USP9X: variants seen among roughly 807,000 people sequenced by gnomAD.
The protein encoded by USP9X is ubiquitin carboxyl-terminal hydrolase 9X.
Under a neutral mutation model 190.3 loss-of-function variants are expected in USP9X, and 7 were observed. The observed-to-expected ratio is 0.04, with a 90% confidence interval of 0.02 to 0.07. USP9X has a LOEUF of 0.07. USP9X is among the 10% of genes least tolerant of loss of function. The probability of loss-of-function intolerance (pLI) is 1.00; values close to 1 mark genes in which losing one functional copy is unlikely to be tolerated. For synonymous variants in USP9X, 645 were observed against 659.5 expected (o/e 0.98, Z 0.34); for missense variants, 1,010 against 1,916.9 (o/e 0.53, Z 8.83).
Position 41,123,550 on chromosome X carries a change from C to T in USP9X, c.-79C>T. The T allele has an allele frequency of 9.4e-6, 8 of 849,966 alleles. No individual in the cohort carries two copies. Among genetic ancestry groups the T allele is most frequent in the Non-Finnish European group, 1.4e-5 (8 of 581,563 alleles). The allele number at this position is 849,966 out of a possible 1,213,427, so 70.0% of individuals were successfully genotyped here. A position where few individuals can be genotyped will look rare whatever the true frequency, so the allele number is the denominator to read the frequency against. On this transcript the variant is annotated 5_prime_UTR_variant, in exon 2 of 45. Coordinates refer to ENST00000378308, the MANE Select transcript of USP9X (RefSeq NM_001039591.3). ...CTGACAAATGCTGGTACTTCATCTT[C>T]TATAAGTGGACTATAATTTCTTTTC...
chrX:41,140,696 A>G lies in USP9X; in HGVS notation c.695A>G (p.Asn232Ser), dbSNP rs201840070. 3.8e-5 allele frequency: 46 copies of G among 1,206,112 alleles called. No individual in the cohort carries two copies. In the African/African-American group the frequency reaches 7.0e-4, roughly 18 times the overall value. ...CTTCTCAACAAATTTGGCACTTTAA[A>G]TGGGTTCCAGATTTTGCATGATCGT... ...VDLLNKFGTLNGFQILHDRFI... is the reference protein window; with the variant it reads ...VDLLNKFGTLSGFQILHDRFI... Residue 232 changes from asparagine (N) to serine (S), a missense_variant, in exon 7 of 45, where the codon AAT (asparagine) becomes AGT (serine). Coordinates refer to ENST00000378308, the MANE Select transcript of USP9X (RefSeq NM_001039591.3).
intron 1 of USP9X, among the ~76,000 whole-genome samples, chrX:41,098,304 C>G (rs955432470): frequency 9.1e-6 from 1 of 109,667 alleles, no homozygotes; most frequent in Non-Finnish European, 1.9e-5. Flanking sequence ...CCACACCTGG[C>G]TAATTTTGTA....
At chrX:41,224,240 T>C (rs1208835616) in intron 39 of USP9X, among the ~76,000 whole-genome samples, 1 of 111,610 alleles carries the variant, frequency 9.0e-6, no homozygotes, top group Non-Finnish European at 1.9e-5. Flanking sequence ...ATTTAGATTT[T>C]GTATTTTTAT....
rs2063344054 is a variant in USP9X at position 41,229,742 on chromosome X, T to C, written c.7394T>C (p.Met2465Thr). ...YFLERSHSARMTLAKACELCP... is the reference protein window; with the variant it reads ...YFLERSHSARTTLAKACELCP... ...TTGGAGAGATCACATAGTGCTAGGATGACACTTGCAAAAGCTTGTGAACTC... is the reference window on the plus strand; with the variant it reads ...TTGGAGAGATCACATAGTGCTAGGACGACACTTGCAAAAGCTTGTGAACTC... Residue 2465 changes from methionine (M) to threonine (T), a missense_variant, in exon 43 of 45, where the codon ATG (methionine) becomes ACG (threonine). This residue lies in a region of USP9X where 20 missense variants were observed against 59.3 expected (regional missense o/e 0.34). Transcript: ENST00000378308. 3 of 1,212,021 alleles carry C rather than the reference T, an allele frequency of 2.5e-6. No homozygotes were observed. Among genetic ancestry groups the C allele is most frequent in the Non-Finnish European group, 3.3e-6 (3 of 895,556 alleles).
chrX:41,144,323 G>A (rs2062447212), intron 10 of USP9X, among the ~76,000 whole-genome samples, 199 bp from the exon 11 acceptor site: 1 of 106,849 alleles, frequency 9.4e-6, no homozygotes, highest in South Asian at 4.2e-4. Flanking sequence ...GGGTTCAAGT[G>A]ATTCTCCTGC....
chrX:41,167,264 A>G (rs1470146700), intron 16 of USP9X: 1 of 270,924 alleles, frequency 3.7e-6, no homozygotes, highest in Admixed American at 6.8e-5. Context: ...ACAAAAATGT[A>G]CCTTTCATTC....
chrX:41,179,009 A>G (rs187450114), intron 21 of USP9X, among the ~76,000 whole-genome samples: 1 of 111,914 alleles, frequency 8.9e-6, no homozygotes, highest in African/African-American at 3.2e-5. Context: ...CCTTTGTTGA[A>G]AATCAGTTGT....
In USP9X at chrX:41,197,352, C is replaced by CCCCCCGGGGGGGG; in HGVS notation, c.4234-12_4234-11insCCCCCGGGGGGGG. On this transcript the variant is annotated splice_polypyrimidine_tract_variant and intron_variant, in intron 28 of 44. Transcript: ENST00000378308. ...TTCTTCCCCCCCCCACCCCACCCCC[C>CCCCCCGGGGGGGG]GCCTTTGGCAGGATGATGTTAAAAG... The CCCCCCGGGGGGGG allele has an allele frequency of 7.1e-6, 7 of 988,167 alleles. No homozygotes were observed. Among genetic ancestry groups the CCCCCCGGGGGGGG allele is most frequent in the Non-Finnish European group, 9.2e-6 (7 of 759,339 alleles). 81.4% of individuals were successfully genotyped at this position (988,167 alleles called of 1,213,427 possible).
chrX:41,125,684 A>ACACTCTCTCTCT, intron 2 of USP9X, among the ~76,000 whole-genome samples: 18 of 19,019 alleles, frequency 9.5e-4, no homozygotes, highest in Non-Finnish European at 1.2e-3. Context: ...ACACACACAC[A>ACACTCTCTCTCT]CTCTCTCTCT....
At chrX:41,105,462 A>G (rs1021126731) in intron 1 of USP9X, among the ~76,000 whole-genome samples, 1 of 112,023 alleles carries the variant, frequency 8.9e-6, no homozygotes, top group African/African-American at 3.2e-5. Context: ...GTTCATCCAT[A>G]TTGTAGCATG....
At position 41,218,465 on chromosome X, in the gene USP9X, C is replaced by T. The variant is rs768983130; in HGVS notation, c.6303C>T (p.Ser2101=). Residue 2101 remains serine, a synonymous_variant, in exon 37 of 45, where the codon TCC becomes TCT. Transcript: ENST00000378308. ...TTTTTAATGTTTCAAATCGCTTCTC[C>T]GAATACCTTCTGGAGTGCCCTAGTG... ...NVLFNVSNRF[S]EYLLECPSAE... is the part of the protein sequence containing the mutation. 7 of 1,209,518 alleles carry T rather than the reference C, an allele frequency of 5.8e-6. No homozygotes were observed. Among genetic ancestry groups the T allele is most frequent in the East Asian group, 3.0e-5 (1 of 33,778 alleles).
At chrX:41,110,266 C>T (rs1185956525) in intron 1 of USP9X, among the ~76,000 whole-genome samples, 2 of 112,231 alleles carry the variant, frequency 1.8e-5, no homozygotes, top group African/African-American at 6.5e-5. Context: ...TTCCATATAT[C>T]TGAGGAATAC....
intron 1 of USP9X, among the ~76,000 whole-genome samples, chrX:41,090,562 A>G (rs966922823): frequency 8.9e-5 from 10 of 112,458 alleles, no homozygotes; most frequent in Non-Finnish European, 5.6e-5. Context: ...ATTCTCAATC[A>G]CTGCCTAACA....
chrX:41,095,141 A>G (rs1169822060), intron 1 of USP9X, among the ~76,000 whole-genome samples: 1 of 111,684 alleles, frequency 9.0e-6, no homozygotes, highest in Admixed American at 9.5e-5. Context: ...ACCAGAGGGT[A>G]TATAAAGATG....
At position 41,192,386 on chromosome X, in the gene USP9X, G is replaced by T. The variant is rs762491568; in HGVS notation, c.3977+2911G>T. Among the ~76,000 whole-genome samples, 7 of 111,326 alleles carry T rather than the reference G, an allele frequency of 6.3e-5. No homozygotes were observed. The East Asian group carries it at 2.0e-3, about 32-fold the overall frequency. On this transcript the variant is annotated intron_variant, in intron 26 of 44. Coordinates refer to ENST00000378308, the MANE Select transcript of USP9X (RefSeq NM_001039591.3). ...ATCATGACACTGACTTTATTTTATT[G>T]TAGTTAGTTGCAATGGATTTAAATT... is the stretch of plus-strand genomic sequence containing the variant.
intron 1 of USP9X, among the ~76,000 whole-genome samples, chrX:41,086,598 C>T (rs1473897625): frequency 1.8e-5 from 2 of 112,228 alleles, no homozygotes; most frequent in East Asian, 5.6e-4. Flanking sequence ...CTCGGCTACG[C>T]CTGGCTATCA....
At position 41,168,395 on chromosome X, in the gene USP9X, T is replaced by C. The variant is rs1310570082; in HGVS notation, c.2636+177T>C. Reference sequence around the variant, plus strand: ...ACCTCCCCCACTCTCCCATCTGGTTTTGTTTTGGTTTTTTGGGTGAGGCAT... The same window carrying C: ...ACCTCCCCCACTCTCCCATCTGGTTCTGTTTTGGTTTTTTGGGTGAGGCAT... On this transcript the variant is annotated intron_variant, in intron 18 of 44. Transcript: ENST00000378308. Among the ~76,000 whole-genome samples the C allele has an allele frequency of 3.6e-5, 4 of 112,190 alleles. No individual in the cohort carries two copies. The Admixed American group carries it at 3.8e-4, about 11-fold the overall frequency.
intron 26 of USP9X, among the ~76,000 whole-genome samples, chrX:41,195,745 G>A (rs1484412947): frequency 8.9e-6 from 1 of 112,067 alleles, no homozygotes; most frequent in Non-Finnish European, 1.9e-5. Context: ...TAATGCCACC[G>A]CTGATCTGAC....
chrX:41,159,678 T>TG (rs1278169974), intron 14 of USP9X, among the ~76,000 whole-genome samples: 6 of 111,523 alleles, frequency 5.4e-5, no homozygotes, highest in Admixed American at 2.8e-4. Context: ...TACAGGCACA[T>TG]GCCGCCATTC....
Sources: allele counts gnomAD v4.1 joint callset (sites outside exome capture counted in the v4.1 genomes callset), GRCh38; gene constraint gnomAD v4.1.1; regional missense constraint gnomAD v4.1.1; transcripts MANE v1.5; gene names NCBI Gene and HGNC (gene_info 2026-07-23, HGNC 2026-07-21).